GRIP1: variants seen among roughly 807,000 people sequenced by gnomAD.
GRIP1 encodes the protein glutamate receptor interacting protein 1, also known as glutamate receptor-interacting protein 1.
GRIP1 carries 45 observed loss-of-function variants against 129.9 expected under a neutral mutation model. That is an observed-to-expected ratio of 0.35 (90% CI 0.27 to 0.44). The LOEUF (loss-of-function observed/expected upper bound fraction) is 0.44. Ranked by LOEUF, GRIP1 falls within the 20% of genes least tolerant of loss-of-function variation. GRIP1 has a pLI of 1.00. For synonymous variants in GRIP1, 530 were observed against 520.8 expected, an observed-to-expected ratio of 1.02 and a Z score of -0.24; for missense variants, 1,196 against 1,396.8, an observed-to-expected ratio of 0.86 and a Z score of 2.29.
At chr12:66,573,804 G>A (rs2063046263) in intron 2 of GRIP1, among the ~76,000 whole-genome samples, 1 of 152,182 alleles carries the variant, frequency 6.6e-6, no homozygotes, top group African/African-American at 2.4e-5. Context: ...GGGTACGGAT[G>A]TGAAACAGGG....
At chr12:66,943,657 T>C (rs2041623244) in intron 1 of GRIP1, among the ~76,000 whole-genome samples, 1 of 152,236 alleles carries the variant, frequency 6.6e-6, no homozygotes, top group Non-Finnish European at 1.5e-5. Flanking sequence ...ATTCTGCTTG[T>C]GAAATTTCAT....
intron 7 of GRIP1, among the ~76,000 whole-genome samples, chr12:66,501,028 A>G (rs1380222046): frequency 6.6e-6 from 1 of 152,216 alleles, no homozygotes; most frequent in African/African-American, 2.4e-5. Flanking sequence ...GGCAGTTTCT[A>G]TCACGGTTGT....
At position 66,943,645 on chromosome 12, in the gene GRIP1, T is replaced by C. The variant is rs182858701; in HGVS notation, c.58+125405A>G. ...GCATTGCAGTAAGTACATTTACAGA[T>C]CATTCTGCTTGTGAAATTTCATTTG... On this transcript the variant is annotated intron_variant, in intron 1 of 1. Coordinates refer to the GRIP1 transcript ENST00000643019. Among the ~76,000 whole-genome samples, 85 of 152,320 alleles carry C rather than the reference T, an allele frequency of 5.6e-4. No individual in the cohort carries two copies. In the East Asian group the frequency reaches 7.3e-3, roughly 13 times the overall value.
At chr12:66,685,416 G>A (rs1046630481) in intron 1 of GRIP1, among the ~76,000 whole-genome samples, 6 of 151,924 alleles carry the variant, frequency 3.9e-5, no homozygotes, top group African/African-American at 1.2e-4. Flanking sequence ...CAGATACTTT[G>A]ACCAACAATT....
chr12:66,640,494 G>A (rs184251248), intron 1 of GRIP1, among the ~76,000 whole-genome samples: 1 of 152,262 alleles, frequency 6.6e-6, no homozygotes, highest in African/African-American at 2.4e-5. Context: ...CAAGCTAGAA[G>A]AAAAGACTCA....
chr12:66,782,300 A>G (rs2038187251), intron 1 of GRIP1, among the ~76,000 whole-genome samples: 1 of 152,170 alleles, frequency 6.6e-6, no homozygotes, highest in African/African-American at 2.4e-5. Flanking sequence ...CCTCCCAATT[A>G]ACAGAAAGCT....
chr12:66,413,009 G>A (rs1327181777), intron 15 of GRIP1, among the ~76,000 whole-genome samples: 1 of 152,118 alleles, frequency 6.6e-6, no homozygotes. Context: ...CAGTGACAGT[G>A]GGATATTGTA....
chr12:66,993,382 T>C (rs1259553909), intron 1 of GRIP1, among the ~76,000 whole-genome samples: 2 of 151,462 alleles, frequency 1.3e-5, no homozygotes, highest in Non-Finnish European at 2.9e-5. Flanking sequence ...TGAAAATAAT[T>C]TTAAAAAGAG....
intron 7 of GRIP1, among the ~76,000 whole-genome samples, chr12:66,480,586 A>G (rs2138551742): frequency 6.6e-6 from 1 of 152,342 alleles, no homozygotes. Flanking sequence ...GGAAACAAAA[A>G]AGAGCCCATA....
intron 1 of GRIP1, among the ~76,000 whole-genome samples, chr12:66,618,808 T>C (rs1353743892): frequency 6.6e-6 from 1 of 152,126 alleles, no homozygotes; most frequent in Non-Finnish European, 1.5e-5. Flanking sequence ...GCTTATTGGA[T>C]GGAGACTGCT....
At chr12:66,421,253 CT>C (rs967680610) in intron 14 of GRIP1, among the ~76,000 whole-genome samples, 1 of 151,914 alleles carries the variant, frequency 6.6e-6, no homozygotes, top group African/African-American at 2.4e-5. Context: ...ATTTAAAGTT[CT>C]TTTTTTTGGC....
intron 7 of GRIP1, among the ~76,000 whole-genome samples, chr12:66,492,916 A>G (rs2060141288): frequency 6.6e-6 from 1 of 152,178 alleles, no homozygotes; most frequent in Admixed American, 6.5e-5. Context: ...AGGGTGAGGC[A>G]GGAGAATCGC....
At chr12:66,716,998 A>G (rs780893683) in intron 1 of GRIP1, among the ~76,000 whole-genome samples, 1 of 152,108 alleles carries the variant, frequency 6.6e-6, no homozygotes, top group Non-Finnish European at 1.5e-5. Flanking sequence ...GAACCTGATT[A>G]CTATTTATAT....
At chr12:66,915,621 C>T (rs939604156) in intron 1 of GRIP1, among the ~76,000 whole-genome samples, 1 of 152,176 alleles carries the variant, frequency 6.6e-6, no homozygotes, top group Non-Finnish European at 1.5e-5. Flanking sequence ...CACAGATCTC[C>T]TAACTGTGTA....
chr12:66,668,160 GCATA>G (rs1336787093), intron 1 of GRIP1, among the ~76,000 whole-genome samples: 2 of 152,148 alleles, frequency 1.3e-5, no homozygotes, highest in African/African-American at 4.8e-5. Context: ...CATTTGGAAG[GCATA>G]CATTTAAAAT....
intron 1 of GRIP1, among the ~76,000 whole-genome samples, chr12:66,614,220 C>T (rs1026838610): frequency 2.7e-4 from 41 of 151,992 alleles, no homozygotes; most frequent in African/African-American, 9.4e-4. Flanking sequence ...GCTAAAAGCT[C>T]TCATGTTTAT....
At chr12:66,831,966 T>C (rs2039527164) in intron 1 of GRIP1, among the ~76,000 whole-genome samples, 1 of 152,206 alleles carries the variant, frequency 6.6e-6, no homozygotes, top group Non-Finnish European at 1.5e-5. Flanking sequence ...ATTTGACTTA[T>C]AAGTTAGACT....
intron 1 of GRIP1, among the ~76,000 whole-genome samples, chr12:66,815,819 G>T (rs905033749): frequency 2.3e-5 from 2 of 85,870 alleles, no homozygotes; most frequent in African/African-American, 1.4e-4. Flanking sequence ...CAAGATGAAA[G>T]ATTTCTTTCT....
At position 66,406,392 on chromosome 12, in the gene GRIP1, T is replaced by C. The variant is rs376728288; in HGVS notation, c.1875A>G (p.Ala625=). ...GTLELGDKLL[A]IDNIRLDNCS... ...AGTTGTCCAGCCGGATATTATCTAT[T>C]GCGAGCAATTTATCCCCAAGTTCCA... Residue 625 remains alanine, a synonymous_variant, in exon 16 of 25, where the codon GCA becomes GCG. Transcript: ENST00000359742. 1.9e-5 allele frequency: 31 copies of C among 1,614,060 alleles called. No homozygotes were observed. The highest frequency in any genetic ancestry group is 2.5e-5 in the Non-Finnish European group (29 of 1,179,994).
Sources: allele counts gnomAD v4.1 joint callset (sites outside exome capture counted in the v4.1 genomes callset), GRCh38; gene constraint gnomAD v4.1.1; transcripts MANE v1.5; gene names NCBI Gene and HGNC (gene_info 2026-07-23, HGNC 2026-07-21).